GABPA: variants seen among roughly 807,000 people sequenced by gnomAD.
The protein encoded by GABPA is GA binding protein transcription factor subunit alpha.
Under a neutral mutation model 59.4 loss-of-function variants are expected in GABPA, and 4 were observed. The observed-to-expected ratio is 0.07, with a 90% CI of 0.03 to 0.15. GABPA has a LOEUF of 0.15. GABPA is among the 10% of genes least tolerant of loss of function. The pLI, the probability that GABPA is intolerant of heterozygous loss-of-function variation, is 1.00. For missense variants in GABPA, 251 were observed against 543.8 expected (o/e 0.46, Z 5.36); for synonymous variants, 164 against 183.1 (o/e 0.90, Z 0.84).
chr21:25,764,175 G>C (rs1195085182), intron 7 of GABPA, 35 bp from the exon 8 acceptor site: 1 of 1,517,544 alleles, frequency 6.6e-7, no homozygotes, highest in Non-Finnish European at 8.8e-7. Context: ...GCTTGTATTG[G>C]AAGAAAAAAA....
chr21:25,770,661 C>T lies in GABPA; in HGVS notation c.*1429C>T, dbSNP rs1443821135. On this transcript the variant is annotated 3_prime_UTR_variant, in exon 10 of 10. Coordinates refer to ENST00000400075, the MANE Select transcript of GABPA (RefSeq NM_002040.4). ...CCTCTTAAAAAGCTTCTTAAGAGCT[C>T]AGTTAATGCTTTTGACTTAACTAGG... The T allele has an allele frequency of 3.3e-5, 5 of 151,962 alleles. No homozygotes were observed. The highest frequency in any genetic ancestry group is 1.2e-4 in the African/African-American group (5 of 41,402). The allele number at this position is 151,962 out of a possible 1,614,324, so 9.4% of individuals were successfully genotyped here.
intron 5 of GABPA, among the ~76,000 whole-genome samples, chr21:25,754,883 T>G (rs997105537): frequency 1.3e-5 from 2 of 149,720 alleles, no homozygotes; most frequent in African/African-American, 4.9e-5. Flanking sequence ...AAAACCTGTT[T>G]CTACTAAAAA....
chr21:25,756,980 G>C (rs1450648770), intron 5 of GABPA, among the ~76,000 whole-genome samples: 1 of 152,122 alleles, frequency 6.6e-6, no homozygotes, highest in African/African-American at 2.4e-5. Context: ...GGGCACCTCT[G>C]TTCCTTTAGT....
rs71649690 is a variant in GABPA, at chr21:25,749,176, A to G, written c.307+56A>G. The G allele has an allele frequency of 1.4e-3, 1,494 of 1,047,666 alleles. 5 individuals carry two copies. Among genetic ancestry groups the G allele is most frequent in the Admixed American group, 2.3e-3 (111 of 48,004 alleles). 64.9% of individuals were successfully genotyped at this position (1,047,666 alleles called of 1,614,324 possible). Reference sequence around the variant, plus strand: ...ATTTTAGCTCATGTTTTTCTGATACAATTTATAAGTTTTTAGGTGTTTTCG... The same window carrying G: ...ATTTTAGCTCATGTTTTTCTGATACGATTTATAAGTTTTTAGGTGTTTTCG... On this transcript the variant is annotated intron_variant, in intron 4 of 9. Transcript: ENST00000400075.
intron 9 of GABPA, 69 bp from the exon 10 acceptor site, chr21:25,768,935 T>C (rs1261488094): frequency 1.0e-6 from 1 of 995,858 alleles, no homozygotes; most frequent in South Asian, 1.4e-5. Flanking sequence ...GCTTATGGAA[T>C]AGTCTGTAAA....
At chr21:25,746,374 C>A (rs775989166) in intron 3 of GABPA, among the ~76,000 whole-genome samples, 5 of 152,080 alleles carry the variant, frequency 3.3e-5, no homozygotes. Flanking sequence ...TCTTCTGGAT[C>A]GTTTGATTTA....
intron 1 of GABPA, among the ~76,000 whole-genome samples, chr21:25,739,911 T>C (rs1354707741): frequency 6.6e-6 from 1 of 152,214 alleles, no homozygotes; most frequent in African/African-American, 2.4e-5. Context: ...AGGCACCGTA[T>C]CTGGCCCTAG....
At chr21:25,765,266 A>G (rs1264132635) in intron 9 of GABPA, among the ~76,000 whole-genome samples, 1 of 152,076 alleles carries the variant, frequency 6.6e-6, no homozygotes, top group Non-Finnish European at 1.5e-5. Flanking sequence ...TATGCCTACT[A>G]CAGTGATGGA....
At chr21:25,753,111 A>G (rs2035554241) in intron 5 of GABPA, among the ~76,000 whole-genome samples, 1 of 152,228 alleles carries the variant, frequency 6.6e-6, no homozygotes, top group Admixed American at 6.5e-5. Context: ...ACCGTACACC[A>G]GGCACCATGT....
chr21:25,746,409 C>T (rs1298564115), intron 3 of GABPA, among the ~76,000 whole-genome samples: 2 of 152,086 alleles, frequency 1.3e-5, no homozygotes, highest in African/African-American at 4.8e-5. Flanking sequence ...CCTTCCCCTG[C>T]CTGCCTTGTG....
At chr21:25,750,385 A>G (rs755498106) in intron 4 of GABPA, among the ~76,000 whole-genome samples, 2 of 152,186 alleles carry the variant, frequency 1.3e-5, no homozygotes, top group Admixed American at 6.5e-5. Flanking sequence ...CCTTTTCCAA[A>G]TAGAAGGCTT....
chr21:25,752,378 C>T (rs866190593), intron 5 of GABPA, 144 bp downstream of exon 5: 10 of 910,696 alleles, frequency 1.1e-5, no homozygotes, highest in Middle Eastern at 3.0e-4. Context: ...TTAATTGTAA[C>T]GCACATTTAA....
intron 1 of GABPA, among the ~76,000 whole-genome samples, chr21:25,740,295 C>A (rs1009394251): frequency 3.9e-5 from 6 of 152,214 alleles, no homozygotes; most frequent in African/African-American, 1.4e-4. Context: ...CATTTAAATT[C>A]TTCATTTAGT....
chr21:25,767,604 CCT>C (rs1329221037), intron 9 of GABPA, among the ~76,000 whole-genome samples: 3 of 151,994 alleles, frequency 2.0e-5, no homozygotes, highest in African/African-American at 7.2e-5. Flanking sequence ...AATTATAAAA[CCT>C]CTTTCCTTTT....
intron 5 of GABPA, among the ~76,000 whole-genome samples, chr21:25,755,677 G>A (rs745412045): frequency 3.3e-5 from 5 of 152,108 alleles, no homozygotes; most frequent in Non-Finnish European, 5.9e-5. Flanking sequence ...CTCAGTGTCT[G>A]TTCGTGTCTC....
rs1405167052 is a variant in GABPA at position 25,764,782 on chromosome 21, A to G, written c.1131A>G (p.Ala377=). 1.3e-6 allele frequency: 2 copies of G among 1,574,332 alleles called. No homozygotes were observed. Among genetic ancestry groups the G allele is most frequent in the Non-Finnish European group, 1.7e-6 (2 of 1,167,326 alleles). The change falls in exon 9 of 10, where the codon GCA becomes GCG. Residue 377 remains alanine, a synonymous_variant. Transcript: ENST00000400075. ...TGAACTATGAGAAACTCAGTCGTGC[A>G]TTAAGGTAAGCCTTTATTACTTTTT... The part of the protein sequence containing the change: ...PTMNYEKLSR[A]LRYYYDGDMI...
At position 25,769,402 on chromosome 21, in the gene GABPA, T is replaced by C; in HGVS notation, c.*170T>C. 1 of 572,240 alleles carries C rather than the reference T, an allele frequency of 1.7e-6. No individual in the cohort carries two copies. The highest frequency in any genetic ancestry group is 3.1e-6 in the Non-Finnish European group (1 of 320,158). The allele number at this position is 572,240 out of a possible 1,614,324, so 35.4% of individuals were successfully genotyped here. A position where few individuals can be genotyped will look rare whatever the true frequency, so the allele number is the denominator to read the frequency against. ...CTTGTGAATTTGGATCTTTTTACTT[T>C]GAGCATATATTTTAGAATATGTGTA... On this transcript the variant is annotated 3_prime_UTR_variant, in exon 10 of 10. Transcript: ENST00000400075.
intron 1 of GABPA, among the ~76,000 whole-genome samples, chr21:25,740,037 G>C (rs1354813657): frequency 2.0e-5 from 3 of 152,168 alleles, no homozygotes; most frequent in Non-Finnish European, 4.4e-5. Flanking sequence ...CTCCAGGTAA[G>C]GGGTGGTGGT....
At chr21:25,740,600 A>G (rs555114536) in intron 1 of GABPA, among the ~76,000 whole-genome samples, 1 of 152,332 alleles carries the variant, frequency 6.6e-6, no homozygotes, top group South Asian at 2.1e-4. Flanking sequence ...TTAAAATTCT[A>G]ATGTTTTTGT....
Sources: allele counts gnomAD v4.1 joint callset (sites outside exome capture counted in the v4.1 genomes callset), GRCh38; gene constraint gnomAD v4.1.1; transcripts MANE v1.5; gene names NCBI Gene and HGNC (gene_info 2026-07-23, HGNC 2026-07-21).